The following SPHKAP variants were observed in gnomAD, a reference collection of about 807,000 sequenced individuals.
SPHKAP encodes SPHK1 interactor, AKAP domain containing, also known as A-kinase anchor protein SPHKAP.
SPHKAP carries 67 observed loss-of-function variants against 137.5 expected under a neutral mutation model. The observed-to-expected ratio is 0.49, with a 90% CI of 0.40 to 0.60. The LOEUF is 0.60. SPHKAP is among the 20% of genes least tolerant of loss of function. SPHKAP has a pLI of 0.00. For synonymous variants in SPHKAP, 813 were observed against 785.3 expected (o/e 1.04, Z -0.59); for missense variants, 2,097 against 2,069.3 (o/e 1.01, Z -0.26).
intron 1 of SPHKAP, among the ~76,000 whole-genome samples, chr2:228,135,222 C>T (rs996760907): frequency 6.4e-5 from 9 of 141,102 alleles, no homozygotes; most frequent in African/African-American, 1.6e-4. Flanking sequence ...TGTGGTGGGC[C>T]GAGATCGTGC....
At chr2:228,165,204 C>T (rs1700389193) in intron 1 of SPHKAP, among the ~76,000 whole-genome samples, 1 of 151,500 alleles carries the variant, frequency 6.6e-6, no homozygotes, top group Non-Finnish European at 1.5e-5. Flanking sequence ...CTACAGGGGT[C>T]AATGAGTGAC....
chr2:228,131,118 T>C (rs1293795467), intron 2 of SPHKAP, among the ~76,000 whole-genome samples: 1 of 152,100 alleles, frequency 6.6e-6, no homozygotes, highest in African/African-American at 2.4e-5. Flanking sequence ...TCTACACATA[T>C]ATATGTGTAG....
chr2:228,024,735 A>G (rs1419552923), intron 5 of SPHKAP, among the ~76,000 whole-genome samples: 2 of 152,150 alleles, frequency 1.3e-5, no homozygotes, highest in South Asian at 2.1e-4. Flanking sequence ...ACTGTAATAT[A>G]CTTTATGTGT....
At chr2:228,113,603 A>ACCTCTCTCTCTCTCTCTCTC (rs1491134215) in intron 2 of SPHKAP, among the ~76,000 whole-genome samples, 1 of 97,948 alleles carries the variant, frequency 1.0e-5, no homozygotes, top group Non-Finnish European at 2.2e-5. Context: ...GCATTTAGCC[A>ACCTCTCTCTCTCTCTCTCTC]TCTCTCTCTC....
At chr2:228,159,863 A>T (rs1700223601) in intron 1 of SPHKAP, among the ~76,000 whole-genome samples, 1 of 152,024 alleles carries the variant, frequency 6.6e-6, no homozygotes, top group African/African-American at 2.4e-5. Context: ...ACTAATTTTT[A>T]TGTAAGGGCA....
chr2:228,084,114 A>G (rs1393517428), intron 3 of SPHKAP, among the ~76,000 whole-genome samples: 1 of 152,100 alleles, frequency 6.6e-6, no homozygotes, highest in Non-Finnish European at 1.5e-5. Flanking sequence ...AGAAGAAAAA[A>G]AAAAAAAGAA....
chr2:228,073,298 G>T (rs1403856906), intron 3 of SPHKAP, among the ~76,000 whole-genome samples: 1 of 152,154 alleles, frequency 6.6e-6, no homozygotes, highest in African/African-American at 2.4e-5. Flanking sequence ...AATAAGTGTT[G>T]GTTCATACAA....
intron 1 of SPHKAP, among the ~76,000 whole-genome samples, chr2:228,136,855 T>G (rs1559193948): frequency 6.6e-6 from 1 of 152,160 alleles, no homozygotes; most frequent in Non-Finnish European, 1.5e-5. Flanking sequence ...GAGGCTTGGG[T>G]GTAATATCCT....
At chr2:228,030,997 C>G (rs915068375) in intron 3 of SPHKAP, among the ~76,000 whole-genome samples, 5 of 152,158 alleles carry the variant, frequency 3.3e-5, no homozygotes, top group African/African-American at 4.8e-5. Context: ...TCTGAGGTAC[C>G]AGGCTCATCT....
intron 4 of SPHKAP, chr2:228,026,034 G>A (rs924147636): frequency 5.4e-6 from 1 of 183,858 alleles, no homozygotes; most frequent in Non-Finnish European, 1.0e-5. Context: ...GATAGTGAGT[G>A]GGTCTCATGA....
chr2:228,084,155 G>A (rs1697463770), intron 3 of SPHKAP, among the ~76,000 whole-genome samples: 2 of 151,564 alleles, frequency 1.3e-5, no homozygotes, highest in Non-Finnish European at 2.9e-5. Flanking sequence ...CTTCTAGAAT[G>A]CAATGGTGTT....
chr2:228,169,724 G>C (rs1030646770), intron 1 of SPHKAP: 1 of 151,946 alleles, frequency 6.6e-6, no homozygotes, highest in Non-Finnish European at 1.5e-5. Context: ...CAAGTCTTAT[G>C]ATTTAAAAAG....
chr2:228,018,446 C>G lies in SPHKAP; in HGVS notation c.2408G>C (p.Gly803Ala). 1 of 1,613,976 alleles carries G rather than the reference C, an allele frequency of 6.2e-7. No individual in the cohort carries two copies. The highest frequency in any genetic ancestry group is 8.5e-7 in the Non-Finnish European group (1 of 1,179,918). Reference protein sequence around the residue: ...SKQDKGGVRPGLFKNPTLQSQ... With the variant: ...SKQDKGGVRPALFKNPTLQSQ... ...CTGCAGCGTGGGGTTCTTGAAGAGG[C>G]CTGGCCTCACTCCACCCTTGTCTTG... Residue 803 changes from glycine (G) to alanine (A), a missense_variant, in exon 7 of 12, where the codon GGC (glycine) becomes GCC (alanine). Gly to Ala is a moderately conservative substitution (Grantham distance 60, BLOSUM62 0). Coordinates refer to ENST00000392056, the MANE Select transcript of SPHKAP (RefSeq NM_001142644.2).
chr2:228,037,258 A>C (rs1401625297), intron 3 of SPHKAP, among the ~76,000 whole-genome samples: 1 of 152,190 alleles, frequency 6.6e-6, no homozygotes, highest in African/African-American at 2.4e-5. Context: ...TGTACTATCA[A>C]ATGAATGCCC....
At chr2:228,145,634 A>G (rs1699753688) in intron 1 of SPHKAP, among the ~76,000 whole-genome samples, 1 of 152,154 alleles carries the variant, frequency 6.6e-6, no homozygotes, top group Admixed American at 6.5e-5. Context: ...TCATGAATGC[A>G]TTTTCCAACT....
intron 3 of SPHKAP, among the ~76,000 whole-genome samples, chr2:228,076,712 G>C (rs1697194756): frequency 6.6e-6 from 1 of 152,176 alleles, no homozygotes; most frequent in Non-Finnish European, 1.5e-5. Flanking sequence ...AAGAGAAACA[G>C]AGCATAAAAG....
chr2:228,115,091 A>T (rs1698662602), intron 2 of SPHKAP, among the ~76,000 whole-genome samples: 1 of 152,082 alleles, frequency 6.6e-6, no homozygotes, highest in Non-Finnish European at 1.5e-5. Context: ...CTCTTTTCCT[A>T]CCCAGGTGCC....
At position 228,005,407 on chromosome 2, in the gene SPHKAP, G is replaced by C. The variant is rs1214148786; in HGVS notation, c.4449-9713C>G. The stretch of plus-strand genomic sequence containing the variant: ...TTTTTTGTTTTCCATTTGCTTGGTA[G>C]ATCTTCCTCCATTCCTTTATTTTGA... On this transcript the variant is annotated intron_variant, in intron 7 of 11. Transcript: ENST00000392056. 2.0e-5 allele frequency among the ~76,000 whole-genome samples: 3 copies of C among 152,166 alleles called. No individual in the cohort carries two copies. The East Asian group carries it at 5.8e-4, about 29-fold the overall frequency.
At chr2:228,115,026 G>T (rs1042017207) in intron 2 of SPHKAP, among the ~76,000 whole-genome samples, 1 of 152,154 alleles carries the variant, frequency 6.6e-6, no homozygotes, top group Non-Finnish European at 1.5e-5. Context: ...CTAGAGCGTT[G>T]AAAGGTGGAT....
Sources: allele counts gnomAD v4.1 joint callset (sites outside exome capture counted in the v4.1 genomes callset), GRCh38; gene constraint gnomAD v4.1.1; transcripts MANE v1.5; gene names NCBI Gene and HGNC (gene_info 2026-07-23, HGNC 2026-07-21).